MTCL2: variants seen among roughly 807,000 people sequenced by gnomAD.
MTCL2 encodes microtubule cross-linking factor 2.
chr20:36,786,695 C>G, the MTCL2 span: 1 of 1,459,920 alleles, frequency 6.8e-7, no homozygotes. Flanking sequence ...ACATGGACCA[C>G]CATGAGCTGT....
chr20:36,863,242 A>G, the MTCL2 span: 1 of 1,198,498 alleles, frequency 8.3e-7, no homozygotes, highest in Non-Finnish European at 1.0e-6. The surrounding 1 kb of genome is among the most constrained non-coding windows in gnomAD (Gnocchi z 6.2). Context: ...CGGGCCGGCG[A>G]CGGCGCGCGG....
chr20:36,782,495 C>T, the MTCL2 span: 1 of 152,244 alleles, frequency 6.6e-6, no homozygotes, highest in Admixed American at 6.5e-5. Flanking sequence ...AGGCTGCCTC[C>T]CAGAGTTGTC....
the MTCL2 span, among the ~76,000 whole-genome samples, chr20:36,860,298 C>T: frequency 3.9e-5 from 6 of 152,194 alleles, no homozygotes; most frequent in Admixed American, 3.9e-4. Context: ...CCCCAGCCCC[C>T]ACCTTCGTGT....
At chr20:36,847,726 C>CCA in the MTCL2 span, among the ~76,000 whole-genome samples, 1 of 152,016 alleles carries the variant, frequency 6.6e-6, no homozygotes, top group Non-Finnish European at 1.5e-5. Context: ...TGGTGCTGTA[C>CCA]ACCTGTAGCC....
the MTCL2 span, chr20:36,859,843 C>A: frequency 0.076 from 93,424 of 1,231,538 alleles, 3,738 homozygotes; most frequent in Middle Eastern, 0.092. Context: ...ATCTTAGAGG[C>A]AAAGTAGTCC....
chr20:36,862,673 C>G, the MTCL2 span: 1 of 1,499,962 alleles, frequency 6.7e-7, no homozygotes, highest in Non-Finnish European at 8.9e-7. Context: ...GATAGTCGTT[C>G]TCCGAGCGCA....
At chr20:36,860,973 A>G in the MTCL2 span, among the ~76,000 whole-genome samples, 1 of 152,280 alleles carries the variant, frequency 6.6e-6, no homozygotes, top group Non-Finnish European at 1.5e-5. Flanking sequence ...TGGGTGCCTC[A>G]AACAGACTTT....
At chr20:36,820,025 T>C in the MTCL2 span, among the ~76,000 whole-genome samples, 2 of 152,120 alleles carry the variant, frequency 1.3e-5, no homozygotes, top group African/African-American at 4.8e-5. Flanking sequence ...CAGACCCCCG[T>C]ATAGCATGCA....
At chr20:36,841,155 CAAAAAAAAAA>C in the MTCL2 span, among the ~76,000 whole-genome samples, 64 of 40,356 alleles carry the variant, frequency 1.6e-3, 1 homozygote, top group South Asian at 0.012. Flanking sequence ...ACTAAAAATA[CAAAAAAAAAA>C]AAAAAAAAAA....
chr20:36,863,110 G>C, the MTCL2 span: 1 of 1,399,370 alleles, frequency 7.1e-7, no homozygotes, highest in Non-Finnish European at 9.3e-7. This position sits in a 1 kb window ranked among gnomAD's most constrained non-coding sequence, Gnocchi z 6.2. Context: ...CGCGCCCCGG[G>C]AGCCACTGCG....
the MTCL2 span, chr20:36,783,738 C>G: frequency 1.0e-6 from 1 of 984,322 alleles, no homozygotes; most frequent in African/African-American, 1.7e-5. Flanking sequence ...GTTACCAAGA[C>G]TTAAAAGGCA....
chr20:36,838,272 G>A, the MTCL2 span, among the ~76,000 whole-genome samples: 9 of 152,236 alleles, frequency 5.9e-5, no homozygotes, highest in East Asian at 1.4e-3. Context: ...GGATGGTCTC[G>A]AGGCCTTCAC....
chr20:36,788,183 A>G, the MTCL2 span, among the ~76,000 whole-genome samples: 2 of 145,412 alleles, frequency 1.4e-5, no homozygotes, highest in African/African-American at 5.1e-5. Flanking sequence ...CCTGGGGGAC[A>G]GAGTGAGACT....
At chr20:36,859,207 A>G in the MTCL2 span, among the ~76,000 whole-genome samples, 1 of 151,634 alleles carries the variant, frequency 6.6e-6, no homozygotes, top group East Asian at 1.9e-4. Context: ...TCAGACTCCA[A>G]CTCTCAGATT....
At chr20:36,808,780 C>T in the MTCL2 span, 20 of 1,528,472 alleles carry the variant, frequency 1.3e-5, no homozygotes, top group Non-Finnish European at 1.6e-5. Flanking sequence ...CCCCAGGGCC[C>T]TGTCCTCTCC....
the MTCL2 span, among the ~76,000 whole-genome samples, chr20:36,827,924 G>A: frequency 1.3e-5 from 2 of 152,206 alleles, no homozygotes; most frequent in Admixed American, 6.5e-5. Flanking sequence ...AAGGGAGGGG[G>A]CTAGCCACCC....
chr20:36,812,191 C>T, the MTCL2 span, among the ~76,000 whole-genome samples: 2 of 152,224 alleles, frequency 1.3e-5, no homozygotes, highest in African/African-American at 2.4e-5. Context: ...TCCTCCTCCT[C>T]CTCCTCATCC....
chr20:36,815,546 G>A, the MTCL2 span: 1 of 1,572,388 alleles, frequency 6.4e-7, no homozygotes, highest in Non-Finnish European at 8.6e-7. The surrounding 1 kb of genome is among the most constrained non-coding windows in gnomAD (Gnocchi z 5.3). Flanking sequence ...TCTCGCCCAG[G>A]GGAGCAGGCA....
chr20:36,839,180 C>A, the MTCL2 span: 1 of 1,562,268 alleles, frequency 6.4e-7, no homozygotes, highest in South Asian at 1.1e-5. This position sits in a 1 kb window ranked among gnomAD's most constrained non-coding sequence, Gnocchi z 5.1. Flanking sequence ...ACTTGTGGTC[C>A]CATCCCAGCA....
Sources: allele counts gnomAD v4.1 joint callset (sites outside exome capture counted in the v4.1 genomes callset), GRCh38; gene constraint gnomAD v4.1.1; non-coding constraint Gnocchi (gnomAD v3.1); transcripts MANE v1.5; gene names NCBI Gene and HGNC (gene_info 2026-07-23, HGNC 2026-07-21).